Variants in MGST2 observed in about 807,000 individuals in gnomAD.
The protein encoded by MGST2 is microsomal glutathione S-transferase 2, also known as glutathione peroxidase MGST2.
MGST2 carries 9 observed loss-of-function variants against 16.6 expected under a neutral mutation model. The observed-to-expected ratio is 0.54, with a 90% CI of 0.33 to 0.95. MGST2 has a LOEUF of 0.95. MGST2 is among the 40% of genes least tolerant of loss of function. The pLI is 0.03. For synonymous variants in MGST2, 79 were observed against 68.0 expected, an observed-to-expected ratio of 1.16 and a Z score of -0.79; for missense variants, 159 against 175.1, an observed-to-expected ratio of 0.91 and a Z score of 0.52.
the MGST2 span, among the ~76,000 whole-genome samples, chr4:139,752,809 G>GA: frequency 3.3e-5 from 5 of 152,026 alleles, no homozygotes; most frequent in South Asian, 2.1e-4. Flanking sequence ...AATTTTAAGG[G>GA]AAAAAAATGT....
chr4:139,691,358 T>C (rs754697628), intron 2 of MGST2, among the ~76,000 whole-genome samples: 3 of 152,230 alleles, frequency 2.0e-5, no homozygotes, highest in African/African-American at 4.8e-5. Flanking sequence ...TATTTTCATG[T>C]CAATGAAACT....
At chr4:139,696,117 C>T (rs898179244) in intron 3 of MGST2, among the ~76,000 whole-genome samples, 2 of 152,070 alleles carry the variant, frequency 1.3e-5, no homozygotes, top group Non-Finnish European at 2.9e-5. Context: ...AGTGGACCAT[C>T]ATAAAGGTCT....
At chr4:139,682,629 T>C (rs1731313103) in intron 2 of MGST2, among the ~76,000 whole-genome samples, 1 of 152,084 alleles carries the variant, frequency 6.6e-6, no homozygotes, top group Non-Finnish European at 1.5e-5. Flanking sequence ...AAGAGTGACA[T>C]GATCTTATAT....
In MGST2 at chr4:139,715,755, G is replaced by T. The variant is rs975632023; in HGVS notation, c.*48+11559G>T. ...GAGTGTGGCAGTGAGGACGACCAGA[G>T]GTCACCCTCGTCGCTATTTTGGTTT... On this transcript the variant is annotated intron_variant, in intron 5 of 5. Transcript: ENST00000616265. The surrounding 1 kb of genome is among the most constrained non-coding windows in gnomAD (Gnocchi z 4.4). Among the ~76,000 whole-genome samples the T allele has an allele frequency of 1.3e-5, 2 of 152,116 alleles. No individual in the cohort carries two copies. The highest frequency in any genetic ancestry group is 4.8e-5 in the African/African-American group (2 of 41,420).
intron 5 of MGST2, among the ~76,000 whole-genome samples, chr4:139,723,991 C>T (rs1032683628): frequency 6.6e-6 from 1 of 152,178 alleles, no homozygotes; most frequent in Non-Finnish European, 1.5e-5. Context: ...CAAAGGAGGG[C>T]TCTGTATCTG....
At position 139,698,824 on chromosome 4, in the gene MGST2, CT is replaced by C. The variant is rs202169540; in HGVS notation, c.229+3569del. On this transcript the variant is annotated intron_variant, in intron 3 of 4. Transcript: ENST00000265498. ...TTTTCCTTTCTTCTTTCTTCATCTT[CT>C]TTTTTTTTTTTCCACTGGTCCTTGC... 1.7e-3 allele frequency among the ~76,000 whole-genome samples: 253 copies of C among 146,068 alleles called. 1 individual carries two copies. The highest frequency in any genetic ancestry group is 4.5e-3 in the African/African-American group (179 of 40,182).
At chr4:139,709,122 G>A (rs557812194), downstream of MGST2, among the ~76,000 whole-genome samples, 36 of 109,540 alleles carry the variant, frequency 3.3e-4, no homozygotes, top group African/African-American at 1.0e-3. Context: ...TCACTCTGTC[G>A]CCCAGGCCGG....
At chr4:139,684,489 A>G (rs1045212076) in intron 2 of MGST2, among the ~76,000 whole-genome samples, 1 of 152,240 alleles carries the variant, frequency 6.6e-6, no homozygotes, top group African/African-American at 2.4e-5. Flanking sequence ...GGTTTTACCC[A>G]AACATCTGGT....
chr4:139,748,053 T>TAA, the MGST2 span, among the ~76,000 whole-genome samples: 2,547 of 95,422 alleles, frequency 0.027, 77 homozygotes, highest in East Asian at 0.18. Context: ...AGACTTCGTC[T>TAA]AAAAAAAAAA....
chr4:139,714,402 C>T (rs1171222015), intron 5 of MGST2, among the ~76,000 whole-genome samples: 1 of 152,206 alleles, frequency 6.6e-6, no homozygotes, highest in African/African-American at 2.4e-5. Context: ...GAAATTCCTA[C>T]CCTTTTGCCA....
intron 3 of MGST2, among the ~76,000 whole-genome samples, chr4:139,700,256 G>A (rs6851293): frequency 1.3e-5 from 2 of 149,368 alleles, no homozygotes; most frequent in African/African-American, 2.5e-5. Flanking sequence ...CTCAGCCTCC[G>A]GAGTAGCTGG....
chr4:139,745,479 T>C (rs1729291576), downstream of MGST2, among the ~76,000 whole-genome samples: 4 of 152,188 alleles, frequency 2.6e-5, no homozygotes, highest in African/African-American at 7.2e-5. Flanking sequence ...TGGCTGAGAT[T>C]TGGCACTTGA....
downstream of MGST2, among the ~76,000 whole-genome samples, chr4:139,706,186 C>T (rs1382576800): frequency 6.6e-6 from 1 of 152,176 alleles, no homozygotes; most frequent in African/African-American, 2.4e-5. Flanking sequence ...CCCCAAAGCA[C>T]ACTGAGAATA....
At chr4:139,740,817 TC>T (rs1729140960), downstream of MGST2, 1 of 152,322 alleles carries the variant, frequency 6.6e-6, no homozygotes, top group Non-Finnish European at 1.5e-5. Flanking sequence ...CGAGGGCACT[TC>T]CCGCCGTCAT....
At chr4:139,752,237 T>C in the MGST2 span, among the ~76,000 whole-genome samples, 6 of 152,328 alleles carry the variant, frequency 3.9e-5, no homozygotes, top group South Asian at 1.2e-3. Context: ...AAAAGCACCT[T>C]GCAGAACTAT....
chr4:139,704,839 G>A (rs1727457492), downstream of MGST2, among the ~76,000 whole-genome samples: 1 of 152,062 alleles, frequency 6.6e-6, no homozygotes, highest in African/African-American at 2.4e-5. Context: ...GGAGAATGGT[G>A]TGAACCTGGG....
chr4:139,694,446 C>T (rs146387933), intron 2 of MGST2, among the ~76,000 whole-genome samples: 114 of 152,062 alleles, frequency 7.5e-4, no homozygotes, highest in South Asian at 1.9e-3. Context: ...GCAAAGAGCT[C>T]GGCCAACCTA....
chr4:139,696,254 G>A (rs999664313), intron 3 of MGST2, among the ~76,000 whole-genome samples: 6 of 152,142 alleles, frequency 3.9e-5, no homozygotes, highest in South Asian at 4.1e-4. Context: ...ATTGGCAGGC[G>A]CAGTAGGTAT....
chr4:139,696,141 T>G (rs1394701043), intron 3 of MGST2, among the ~76,000 whole-genome samples: 1 of 152,164 alleles, frequency 6.6e-6, no homozygotes, highest in African/African-American at 2.4e-5. Flanking sequence ...TCCTCATCAT[T>G]TTCACGTTGA....
Sources: gnomAD v4.1 joint callset for allele counts (sites outside exome capture counted in the v4.1 genomes callset) on GRCh38, gnomAD v4.1.1 for gene constraint, Gnocchi (gnomAD v3.1) non-coding constraint, MANE v1.5 for transcripts, NCBI Gene and HGNC (gene_info 2026-07-23, HGNC 2026-07-21) for gene names.